TRPC7: variants seen among roughly 807,000 people sequenced by gnomAD.
TRPC7 encodes short transient receptor potential channel 7.
TRPC7 carries 42 observed loss-of-function variants against 90.1 expected under a neutral mutation model. That is an observed-to-expected ratio of 0.47 (90% CI 0.36 to 0.60). TRPC7 has a LOEUF of 0.60. Among genes scored for constraint, TRPC7 ranks in the 20% least tolerant of loss-of-function variants. TRPC7 has a pLI of 0.00. For missense variants in TRPC7, 955 were observed against 1,112.3 expected, an observed-to-expected ratio of 0.86 and a Z score of 2.01; for synonymous variants, 451 against 436.3, an observed-to-expected ratio of 1.03 and a Z score of -0.42.
chr5:136,251,878 C>T lies in TRPC7; in HGVS notation c.1350G>A (p.Met450Ile). 1.2e-6 allele frequency: 2 copies of T among 1,613,208 alleles called. No individual in the cohort carries two copies. The highest frequency in any genetic ancestry group is 8.5e-7 in the Non-Finnish European group (1 of 1,179,246). ...EMLIMKWVLG[M>I]IWSECKEIWE... ...AGATTTCCTTGCATTCGGACCAAAT[C>T]ATTCCTGTGGGAGAAGGAGAAGGCC... Residue 450 changes from methionine (M) to isoleucine (I), a missense_variant, in exon 6 of 12, where the codon ATG becomes ATA. Met to Ile is a conservative substitution (Grantham distance 10). This residue lies in a region of TRPC7 where 484 missense variants were observed against 509.6 expected (regional missense o/e 0.95). Coordinates refer to ENST00000513104, the MANE Select transcript of TRPC7 (RefSeq NM_020389.3).
chr5:136,241,092 G>A (rs895686648), intron 7 of TRPC7, among the ~76,000 whole-genome samples: 1 of 152,176 alleles, frequency 6.6e-6, no homozygotes, highest in Non-Finnish European at 1.5e-5. Context: ...GCAAGGACAA[G>A]TTGGGTGGGG....
intron 6 of TRPC7, among the ~76,000 whole-genome samples, chr5:136,249,360 T>C (rs1381704989): frequency 6.6e-6 from 1 of 152,228 alleles, no homozygotes; most frequent in African/African-American, 2.4e-5. Flanking sequence ...TTTGGAAATA[T>C]AATAACATTA....
At chr5:136,217,056 G>C (rs909802372) in intron 10 of TRPC7, among the ~76,000 whole-genome samples, 2 of 152,214 alleles carry the variant, frequency 1.3e-5, no homozygotes, top group African/African-American at 2.4e-5. Flanking sequence ...GATTTTGCCA[G>C]CTAGTTGGTC....
intron 7 of TRPC7, among the ~76,000 whole-genome samples, chr5:136,245,958 C>T (rs189044642): frequency 5.9e-5 from 9 of 152,324 alleles, no homozygotes; most frequent in Admixed American, 4.6e-4. Flanking sequence ...CACTCTTCCA[C>T]TAGACCCTTC....
intron 2 of TRPC7, among the ~76,000 whole-genome samples, chr5:136,323,776 G>C (rs552950663): frequency 6.6e-6 from 1 of 152,062 alleles, no homozygotes; most frequent in East Asian, 1.9e-4. Context: ...CTCCAGCTTT[G>C]CTTTTCTTTT....
chr5:136,292,255 A>G (rs1307875537), intron 3 of TRPC7, among the ~76,000 whole-genome samples: 1 of 152,194 alleles, frequency 6.6e-6, no homozygotes, highest in East Asian at 1.9e-4. Context: ...GAGCAAACAC[A>G]TTCAAAAGCT....
At chr5:136,241,804 C>G (rs1460730730) in intron 7 of TRPC7, among the ~76,000 whole-genome samples, 1 of 152,200 alleles carries the variant, frequency 6.6e-6, no homozygotes, top group Non-Finnish European at 1.5e-5. Context: ...GATCCACCTG[C>G]CTTGGCCTCC....
chr5:136,294,475 C>T (rs549033474), intron 3 of TRPC7, among the ~76,000 whole-genome samples: 32 of 152,062 alleles, frequency 2.1e-4, no homozygotes, highest in Admixed American at 5.2e-4. Flanking sequence ...AAAAAGTGGG[C>T]GAAGGATATG....
At chr5:136,363,987 C>T (rs1357453668) in intron 1 of TRPC7, among the ~76,000 whole-genome samples, 2 of 152,002 alleles carry the variant, frequency 1.3e-5, no homozygotes, top group East Asian at 1.9e-4. Flanking sequence ...ATATGTGTAA[C>T]CTTTTGATGA....
At chr5:136,267,637 T>C (rs1345978636) in intron 4 of TRPC7, among the ~76,000 whole-genome samples, 1 of 152,232 alleles carries the variant, frequency 6.6e-6, no homozygotes, top group African/African-American at 2.4e-5. Context: ...AATGTTCTTT[T>C]AATGTGCTTC....
intron 8 of TRPC7, among the ~76,000 whole-genome samples, chr5:136,230,777 T>C (rs527524787): frequency 6.6e-6 from 1 of 152,308 alleles, no homozygotes; most frequent in South Asian, 2.1e-4. Context: ...TGTTTTTAAA[T>C]GGCCTTCCAG....
Position 136,254,832 on chromosome 5 carries a change from G to A in TRPC7, c.1346-2950C>T, listed in dbSNP as rs78893330. 6.0e-3 allele frequency among the ~76,000 whole-genome samples: 921 copies of A among 152,282 alleles called. 9 individuals carry two copies. The highest frequency in any genetic ancestry group is 0.031 in the East Asian group (163 of 5,188). On this transcript the variant is annotated intron_variant, in intron 5 of 11. Coordinates refer to ENST00000513104, the MANE Select transcript of TRPC7 (RefSeq NM_020389.3). The stretch of plus-strand genomic sequence containing the variant: ...TGAAACCTACTGGAAAGGATTTATC[G>A]TTTTAGATGCCATTCAGAACATTAG...
intron 2 of TRPC7, among the ~76,000 whole-genome samples, chr5:136,335,176 A>G (rs527430417): frequency 6.6e-6 from 1 of 152,260 alleles, no homozygotes; most frequent in South Asian, 2.1e-4. Context: ...ACAGACACCT[A>G]TCTGCTGACA....
chr5:136,306,180 A>C (rs1758621597), intron 3 of TRPC7, among the ~76,000 whole-genome samples: 1 of 152,184 alleles, frequency 6.6e-6, no homozygotes, highest in East Asian at 1.9e-4. Context: ...TGCCACTCTT[A>C]ACTCTTGAAG....
Position 136,365,018 on chromosome 5 carries a change from C to T in TRPC7, c.2+235G>A, listed in dbSNP as rs146054587. Among the ~76,000 whole-genome samples the T allele has an allele frequency of 7.7e-3, 1,172 of 152,128 alleles. 21 individuals carry two copies. The highest frequency in any genetic ancestry group is 0.027 in the African/African-American group (1,130 of 41,474). On this transcript the variant is annotated intron_variant, in intron 1 of 11. Transcript: ENST00000513104. ...CTCTAGCACAAAAGGAATAGGCTAC[C>T]GACATGAGTTGTCCGTTTCTAAATG...
intron 2 of TRPC7, among the ~76,000 whole-genome samples, chr5:136,338,296 C>T (rs540654882): frequency 6.6e-6 from 1 of 152,268 alleles, no homozygotes; most frequent in Non-Finnish European, 1.5e-5. Flanking sequence ...TATGTTCACA[C>T]CATTCTTACA....
intron 10 of TRPC7, among the ~76,000 whole-genome samples, chr5:136,224,392 C>T (rs1405140009): frequency 6.6e-6 from 1 of 152,186 alleles, no homozygotes; most frequent in African/African-American, 2.4e-5. Flanking sequence ...TCTAATTTTT[C>T]TGACAACAGA....
chr5:136,306,603 G>A (rs1484659030), intron 3 of TRPC7, among the ~76,000 whole-genome samples: 2 of 152,134 alleles, frequency 1.3e-5, no homozygotes, highest in African/African-American at 4.8e-5. Context: ...CGCATCCCCT[G>A]TGACTTGCAC....
At chr5:136,341,478 C>T (rs1206444237) in intron 2 of TRPC7, among the ~76,000 whole-genome samples, 2 of 151,114 alleles carry the variant, frequency 1.3e-5, no homozygotes, top group South Asian at 2.1e-4. Flanking sequence ...TATATATACA[C>T]ACACACACAC....
Sources: gnomAD v4.1 joint callset for allele counts (sites outside exome capture counted in the v4.1 genomes callset) on GRCh38, gnomAD v4.1.1 for gene constraint, gnomAD v4.1.1 regional missense constraint, MANE v1.5 for transcripts, NCBI Gene and HGNC (gene_info 2026-07-23, HGNC 2026-07-21) for gene names.